FAM227B: variants seen among roughly 807,000 people sequenced by gnomAD.
The protein encoded by FAM227B is protein FAM227B.
Under a neutral mutation model 73.8 loss-of-function variants are expected in FAM227B, and 88 were observed. The ratio of observed to expected loss-of-function variants is 1.19; its 90% CI spans 1.00 to 1.42. The LOEUF is 1.42. Ranked by LOEUF, FAM227B falls within the 40% of genes most tolerant of loss-of-function variation. The probability of loss-of-function intolerance (pLI) is 0.00; values close to 1 mark genes in which losing one functional copy is unlikely to be tolerated. For synonymous variants in FAM227B, 210 were observed against 190.5 expected (o/e 1.10, Z -0.84); for missense variants, 632 against 590.9 (o/e 1.07, Z -0.72).
intron 11 of FAM227B, among the ~76,000 whole-genome samples, chr15:49,477,265 G>A (rs542310046): frequency 1.3e-5 from 2 of 152,144 alleles, no homozygotes; most frequent in Non-Finnish European, 2.9e-5. Flanking sequence ...TGTATATCAT[G>A]TATCCACTAT....
rs1279882306 is a variant in FAM227B at position 49,549,972 on chromosome 15, C to A, written c.748-8166G>T. Among the ~76,000 whole-genome samples, 6 of 107,554 alleles carry A rather than the reference C, an allele frequency of 5.6e-5. No homozygotes were observed. The South Asian group carries it at 8.4e-4, about 15-fold the overall frequency. The allele number at this position is 107,554 out of a possible 152,430, so 70.6% of individuals were successfully genotyped here. Reference sequence around the variant, plus strand: ...TGGCCGGGCGGGGGGCTGACCCCCCCACCTCCCTCCCAGACGGGGCGGCTG... The same window carrying A: ...TGGCCGGGCGGGGGGCTGACCCCCCAACCTCCCTCCCAGACGGGGCGGCTG... On this transcript the variant is annotated intron_variant, in intron 9 of 15. Transcript: ENST00000299338.
Position 49,565,728 on chromosome 15 carries a change from T to C in FAM227B, c.747+2517A>G, listed in dbSNP as rs568288812. 2.0e-5 allele frequency among the ~76,000 whole-genome samples: 3 copies of C among 152,274 alleles called. No individual in the cohort carries two copies. The South Asian group carries it at 6.2e-4, about 32-fold the overall frequency. ...AGGCAAAAGCATATTGCAAATGTGA[T>C]AGTTAAAGATCTTCGGTGGGGGTTA... On this transcript the variant is annotated intron_variant, in intron 9 of 15. Coordinates refer to ENST00000299338, the MANE Select transcript of FAM227B (RefSeq NM_152647.3).
chr15:49,350,224 G>A (rs925730967), intron 13 of FAM227B, among the ~76,000 whole-genome samples: 6 of 152,122 alleles, frequency 3.9e-5, no homozygotes, highest in Non-Finnish European at 7.4e-5. Context: ...AGTCACATAT[G>A]GTTAATGAGC....
At chr15:49,377,057 C>T (rs1425661242) in intron 11 of FAM227B, among the ~76,000 whole-genome samples, 3 of 152,000 alleles carry the variant, frequency 2.0e-5, no homozygotes, top group Non-Finnish European at 2.9e-5. Context: ...CTCTGGTAAC[C>T]ATCCTTCTAG....
At chr15:49,545,624 T>C (rs754338123) in intron 9 of FAM227B, among the ~76,000 whole-genome samples, 4 of 152,196 alleles carry the variant, frequency 2.6e-5, no homozygotes, top group Non-Finnish European at 5.9e-5. Context: ...GATATAGACA[T>C]TTAATGCTAT....
chr15:49,523,497 C>G (rs557859694), intron 10 of FAM227B, among the ~76,000 whole-genome samples: 1 of 152,166 alleles, frequency 6.6e-6, no homozygotes, highest in Non-Finnish European at 1.5e-5. Flanking sequence ...TCCATTAAAT[C>G]TTTTTCCTGT....
rs552129940 is a variant in FAM227B at position 49,566,510 on chromosome 15, G to A, written c.747+1735C>T. Among the ~76,000 whole-genome samples, 3 of 152,268 alleles carry A rather than the reference G, an allele frequency of 2.0e-5. No individual in the cohort carries two copies. In the South Asian group the frequency reaches 6.2e-4, roughly 32 times the overall value. ...GCCATACAAAATATATTTAGGTTCA[G>A]ATTAATTTGTGCTAAATAGTGGACT... On this transcript the variant is annotated intron_variant, in intron 9 of 15. Transcript: ENST00000299338.
intron 10 of FAM227B, among the ~76,000 whole-genome samples, chr15:49,513,101 T>A (rs2059131806): frequency 6.6e-6 from 1 of 152,174 alleles, no homozygotes; most frequent in African/African-American, 2.4e-5. Context: ...ATGATTTATA[T>A]TCCTTTGGGT....
chr15:49,471,855 G>A (rs564652963), intron 11 of FAM227B, among the ~76,000 whole-genome samples: 1 of 152,192 alleles, frequency 6.6e-6, no homozygotes, highest in Non-Finnish European at 1.5e-5. Context: ...CAGAAAAGAC[G>A]TATCAAGCTA....
chr15:49,549,921 C>G (rs1246905341), intron 9 of FAM227B, among the ~76,000 whole-genome samples: 29 of 129,046 alleles, frequency 2.2e-4, no homozygotes, highest in Admixed American at 4.6e-4. Context: ...GCTGACCCCC[C>G]CCACCTCCCT....
intron 11 of FAM227B, among the ~76,000 whole-genome samples, chr15:49,450,302 T>A (rs2052606301): frequency 6.6e-6 from 1 of 152,112 alleles, no homozygotes; most frequent in African/African-American, 2.4e-5. Flanking sequence ...ACAAGATAAC[T>A]CTTTCTTCCA....
chr15:49,454,724 C>T (rs942685542), intron 11 of FAM227B, among the ~76,000 whole-genome samples: 6 of 152,324 alleles, frequency 3.9e-5, no homozygotes, highest in Middle Eastern at 3.4e-3. Flanking sequence ...ATTCTCCTGC[C>T]TCAGCCTCTC....
At position 49,541,758 on chromosome 15, in the gene FAM227B, C is replaced by T. The variant is rs890554575; in HGVS notation, c.796G>A (p.Ala266Thr). 4 of 1,540,322 alleles carry T rather than the reference C, an allele frequency of 2.6e-6. No individual in the cohort carries two copies. The African/African-American group carries it at 4.2e-5, about 16-fold the overall frequency. ...AQAIYATFHE[A>T]FPESSYLFND... ...AAGAGGTAACTCGATTCTGGAAATG[C>T]TTCATGGAACGTTGCATATATGGCT... Residue 266 changes from alanine (A) to threonine (T), a missense_variant, in exon 10 of 16, where the codon GCA becomes ACA. Transcript: ENST00000299338.
chr15:49,498,107 T>G (rs926063028), intron 11 of FAM227B, among the ~76,000 whole-genome samples: 1 of 152,216 alleles, frequency 6.6e-6, no homozygotes, highest in Non-Finnish European at 1.5e-5. Flanking sequence ...GTAACTCTCA[T>G]AAGTTACAAT....
intron 11 of FAM227B, among the ~76,000 whole-genome samples, chr15:49,432,214 G>GT: frequency 6.6e-6 from 1 of 151,710 alleles, no homozygotes; most frequent in East Asian, 1.9e-4. Context: ...TAAGAAAATA[G>GT]TTTGAGACCA....
intron 13 of FAM227B, among the ~76,000 whole-genome samples, chr15:49,349,239 C>T (rs954092795): frequency 2.6e-5 from 4 of 152,082 alleles, no homozygotes; most frequent in African/African-American, 4.8e-5. Flanking sequence ...ACAATACTTA[C>T]AATACTCATA....
intron 11 of FAM227B, among the ~76,000 whole-genome samples, chr15:49,448,442 G>T (rs2052419955): frequency 6.6e-6 from 1 of 151,354 alleles, no homozygotes; most frequent in East Asian, 1.9e-4. Flanking sequence ...TCATTAAAGT[G>T]ACTGGGTAAA....
chr15:49,552,246 G>C (rs1297253852), intron 9 of FAM227B, among the ~76,000 whole-genome samples: 1 of 152,090 alleles, frequency 6.6e-6, no homozygotes, highest in Non-Finnish European at 1.5e-5. Flanking sequence ...GGATATTTTT[G>C]CCAGATATAC....
intron 10 of FAM227B, among the ~76,000 whole-genome samples, chr15:49,526,899 TA>T (rs527608285): frequency 1.5e-4 from 23 of 151,242 alleles, no homozygotes; most frequent in Admixed American, 1.3e-3. Flanking sequence ...TTGAATCAAT[TA>T]AAAAAACAAC....
Sources: allele counts gnomAD v4.1 joint callset (sites outside exome capture counted in the v4.1 genomes callset), GRCh38; gene constraint gnomAD v4.1.1; transcripts MANE v1.5; gene names NCBI Gene and HGNC (gene_info 2026-07-23, HGNC 2026-07-21).